The following SENP7 variants were observed in gnomAD, a reference collection of about 807,000 sequenced individuals.
The protein encoded by SENP7 is SUMO specific peptidase 7.
Under a neutral mutation model 141.2 loss-of-function variants are expected in SENP7, and 64 were observed. The ratio of observed to expected loss-of-function variants is 0.45; its 90% confidence interval spans 0.37 to 0.56. SENP7 has a LOEUF of 0.56. SENP7 is among the 20% of genes least tolerant of loss of function. The pLI, the probability that SENP7 is intolerant of heterozygous loss-of-function variation, is 0.00. For synonymous variants in SENP7, 382 were observed against 426.4 expected, an observed-to-expected ratio of 0.90 and a Z score of 1.28; for missense variants, 1,025 against 1,212.2, an observed-to-expected ratio of 0.85 and a Z score of 2.29.
chr3:101,363,301 G>GT (rs2059949369), intron 10 of SENP7: 1 of 167,960 alleles, frequency 6.0e-6, no homozygotes, highest in Non-Finnish European at 1.2e-5. Context: ...TGAGAAGTTG[G>GT]TATAGAAATA....
chr3:101,500,475 A>G (rs938503059), intron 2 of SENP7, among the ~76,000 whole-genome samples: 6 of 152,136 alleles, frequency 3.9e-5, no homozygotes, highest in African/African-American at 1.4e-4. Context: ...GAGGATCCCT[A>G]AAGCCCAGGA....
At chr3:101,389,235 T>C (rs562427382) in intron 6 of SENP7, among the ~76,000 whole-genome samples, 72 of 152,260 alleles carry the variant, frequency 4.7e-4, no homozygotes, top group South Asian at 3.7e-3. Flanking sequence ...ACTCCTGGGC[T>C]CAAGCAATCC....
chr3:101,405,943 C>G (rs565474861), intron 5 of SENP7, among the ~76,000 whole-genome samples: 2 of 151,932 alleles, frequency 1.3e-5, no homozygotes, highest in African/African-American at 4.8e-5. Context: ...GTTAAATGAC[C>G]AAATCTAAGA....
At chr3:101,503,771 C>G (rs955016931) in intron 1 of SENP7, among the ~76,000 whole-genome samples, 1 of 151,954 alleles carries the variant, frequency 6.6e-6, no homozygotes, top group Non-Finnish European at 1.5e-5. Context: ...AAGGGTGAAA[C>G]CCCGTCTGCA....
chr3:101,410,704 G>A (rs2061430772), intron 5 of SENP7, among the ~76,000 whole-genome samples: 1 of 151,980 alleles, frequency 6.6e-6, no homozygotes, highest in Admixed American at 6.6e-5. Flanking sequence ...GATTAGCCGG[G>A]CATGGTGGCA....
chr3:101,366,904 T>G (rs942461666), intron 8 of SENP7, 135 bp from the exon 9 acceptor site: 17 of 596,810 alleles, frequency 2.8e-5, no homozygotes, highest in Non-Finnish European at 4.8e-5. Context: ...ACAATTATAC[T>G]ACATTATACT....
chr3:101,481,926 T>C (rs1354255952), intron 3 of SENP7, among the ~76,000 whole-genome samples: 4 of 152,150 alleles, frequency 2.6e-5, no homozygotes, highest in African/African-American at 7.2e-5. Flanking sequence ...ACAAGATTAA[T>C]ATACAAAAGT....
intron 6 of SENP7, among the ~76,000 whole-genome samples, chr3:101,392,366 A>G (rs1172463391): frequency 6.6e-6 from 1 of 152,236 alleles, no homozygotes; most frequent in African/African-American, 2.4e-5. Flanking sequence ...ATTGCAGGAC[A>G]CTGAATCAAC....
chr3:101,362,516 C>G (rs1416603978), intron 10 of SENP7, among the ~76,000 whole-genome samples: 1 of 152,060 alleles, frequency 6.6e-6, no homozygotes, highest in Non-Finnish European at 1.5e-5. Context: ...AGATTTGTTA[C>G]AAGGATAATA....
intron 6 of SENP7, among the ~76,000 whole-genome samples, chr3:101,392,852 T>C (rs1260847382): frequency 6.6e-6 from 1 of 152,176 alleles, no homozygotes; most frequent in East Asian, 1.9e-4. Flanking sequence ...GGTGTGGTGG[T>C]ACACATCTGT....
intron 5 of SENP7, among the ~76,000 whole-genome samples, chr3:101,411,921 T>C (rs971356827): frequency 3.9e-5 from 6 of 152,150 alleles, no homozygotes; most frequent in Non-Finnish European, 8.8e-5. Context: ...GCAGAAAGTA[T>C]ACTGGCCTGA....
At chr3:101,420,890 T>C (rs1335977217) in intron 4 of SENP7, among the ~76,000 whole-genome samples, 1 of 152,162 alleles carries the variant, frequency 6.6e-6, no homozygotes, top group Non-Finnish European at 1.5e-5. Flanking sequence ...GGAACTCTTC[T>C]AGATTAAGAG....
chr3:101,416,494 C>A (rs1362978500), intron 5 of SENP7, among the ~76,000 whole-genome samples: 1 of 152,096 alleles, frequency 6.6e-6, no homozygotes, highest in African/African-American at 2.4e-5. Flanking sequence ...TCTGTCAGTG[C>A]AGTAAGAGAT....
At chr3:101,395,640 T>G (rs996234672) in intron 6 of SENP7, among the ~76,000 whole-genome samples, 2 of 152,178 alleles carry the variant, frequency 1.3e-5, no homozygotes, top group Non-Finnish European at 2.9e-5. Flanking sequence ...CATATGATCT[T>G]AGGGTTAAGA....
intron 4 of SENP7, among the ~76,000 whole-genome samples, chr3:101,445,784 CAAAG>C (rs1278790446): frequency 6.6e-6 from 1 of 151,976 alleles, no homozygotes; most frequent in Non-Finnish European, 1.5e-5. Context: ...AAAAAACTTA[CAAAG>C]AAACAAAAAG....
chr3:101,446,124 G>A (rs1201351949), intron 4 of SENP7, among the ~76,000 whole-genome samples: 1 of 152,146 alleles, frequency 6.6e-6, no homozygotes, highest in Non-Finnish European at 1.5e-5. Flanking sequence ...ATTTATAAAA[G>A]TGTAGTGCCT....
intron 1 of SENP7, among the ~76,000 whole-genome samples, chr3:101,511,444 A>C (rs970696206): frequency 5.9e-5 from 9 of 152,222 alleles, no homozygotes; most frequent in African/African-American, 2.2e-4. Flanking sequence ...TGTGTTAGGA[A>C]GCCCGCAAAT....
intron 12 of SENP7, among the ~76,000 whole-genome samples, chr3:101,348,797 A>AT (rs1475239836): frequency 6.9e-6 from 1 of 145,938 alleles, no homozygotes; most frequent in Non-Finnish European, 1.5e-5. Context: ...TCAAAGAAAC[A>AT]TTAAAAAAAA....
At chr3:101,345,939 G>A (rs2059443240) in intron 13 of SENP7, among the ~76,000 whole-genome samples, 1 of 152,162 alleles carries the variant, frequency 6.6e-6, no homozygotes. Context: ...AAACTAAAGA[G>A]CTTTTGCATG....
Sources: gnomAD v4.1 joint callset for allele counts (sites outside exome capture counted in the v4.1 genomes callset) on GRCh38, gnomAD v4.1.1 for gene constraint, MANE v1.5 for transcripts, NCBI Gene and HGNC (gene_info 2026-07-23, HGNC 2026-07-21) for gene names.